MBD2: variants seen among roughly 807,000 people sequenced by gnomAD.
MBD2 encodes the protein methyl-CpG-binding domain protein 2.
Under a neutral mutation model 39.3 loss-of-function variants are expected in MBD2, and 9 were observed. That is an observed-to-expected ratio of 0.23 (90% confidence interval 0.14 to 0.40). The LOEUF (loss-of-function observed/expected upper bound fraction) is 0.40, where lower values mean the gene tolerates loss of function less well. MBD2 is among the 10% of genes least tolerant of loss of function. The probability of loss-of-function intolerance (pLI) is 1.00; values close to 1 mark genes in which losing one functional copy is unlikely to be tolerated. For missense variants in MBD2, 458 were observed against 532.6 expected (o/e 0.86, Z 1.38); for synonymous variants, 233 against 211.1 (o/e 1.10, Z -0.90).
At chr18:54,215,209 C>A (rs2086547089) in intron 1 of MBD2, among the ~76,000 whole-genome samples, 1 of 152,156 alleles carries the variant, frequency 6.6e-6, no homozygotes, top group Non-Finnish European at 1.5e-5. Context: ...GGTCTGTGTG[C>A]AAACTTACTG....
At chr18:54,221,839 T>G (rs528961247) in intron 1 of MBD2, among the ~76,000 whole-genome samples, 58 of 152,266 alleles carry the variant, frequency 3.8e-4, no homozygotes, top group African/African-American at 1.3e-3. Context: ...TGGCCACAAA[T>G]CCAAATGAGC....
At chr18:54,202,908 G>T (rs1568089825) in intron 2 of MBD2, 1 of 1,116,510 alleles carries the variant, frequency 9.0e-7, no homozygotes, top group Non-Finnish European at 1.4e-6. Context: ...ATGGAGGAAA[G>T]GATTGGTTCT....
At chr18:54,203,030 G>T (rs760641519) in intron 2 of MBD2, 1 of 1,254,230 alleles carries the variant, frequency 8.0e-7, no homozygotes, top group Non-Finnish European at 1.2e-6. Flanking sequence ...TCCAAGCAGA[G>T]CAAACAGCGT....
At chr18:54,159,926 GGC>G (rs1568077249) in intron 5 of MBD2, 23 bp from the exon 6 acceptor site, 1 of 1,608,270 alleles carries the variant, frequency 6.2e-7, no homozygotes, top group East Asian at 2.2e-5. Flanking sequence ...AGAATAAAAA[GGC>G]ACTGAGAATT....
At chr18:54,211,761 C>T (rs909313776) in intron 1 of MBD2, among the ~76,000 whole-genome samples, 6 of 152,184 alleles carry the variant, frequency 3.9e-5, no homozygotes, top group African/African-American at 1.4e-4. Flanking sequence ...ACCACTTTGA[C>T]AACAGCTCTG....
chr18:54,221,913 G>A (rs1447999425), intron 1 of MBD2, among the ~76,000 whole-genome samples: 2 of 152,116 alleles, frequency 1.3e-5, no homozygotes, highest in African/African-American at 4.8e-5. Flanking sequence ...CAAACAAAAA[G>A]CTCTGCAATA....
intron 3 of MBD2, among the ~76,000 whole-genome samples, chr18:54,188,150 A>G (rs1599090916): frequency 6.6e-6 from 1 of 152,202 alleles, no homozygotes; most frequent in Non-Finnish European, 1.5e-5. Context: ...CCTCACCCCA[A>G]TTGCTACTAA....
chr18:54,219,184 G>T (rs2086587713), intron 1 of MBD2, among the ~76,000 whole-genome samples: 1 of 152,106 alleles, frequency 6.6e-6, no homozygotes, highest in Non-Finnish European at 1.5e-5. Flanking sequence ...CATTTTCACT[G>T]TATCTCTAAT....
At chr18:54,163,306 A>G (rs1346225481) in intron 5 of MBD2, among the ~76,000 whole-genome samples, 1 of 152,090 alleles carries the variant, frequency 6.6e-6, no homozygotes, top group East Asian at 1.9e-4. Flanking sequence ...AATATAAAAC[A>G]TCTTAAAATT....
intron 1 of MBD2, among the ~76,000 whole-genome samples, chr18:54,210,899 T>C (rs2086499592): frequency 7.7e-6 from 1 of 130,438 alleles, no homozygotes; most frequent in African/African-American, 3.0e-5. Context: ...TGAGACAGAG[T>C]CTCGCTCTGT....
At chr18:54,161,009 G>A (rs1038684084) in intron 5 of MBD2, among the ~76,000 whole-genome samples, 2 of 151,904 alleles carry the variant, frequency 1.3e-5, no homozygotes, top group Non-Finnish European at 1.5e-5. Flanking sequence ...ACCAATAACC[G>A]AGGAAGACAG....
intron 3 of MBD2, among the ~76,000 whole-genome samples, chr18:54,167,821 T>C (rs2086145571): frequency 6.6e-6 from 1 of 152,018 alleles, no homozygotes; most frequent in African/African-American, 2.4e-5. Context: ...TCATCATGGA[T>C]GAAAAGTAGT....
chr18:54,189,780 G>T (rs1938456366), intron 2 of MBD2, among the ~76,000 whole-genome samples: 1 of 152,090 alleles, frequency 6.6e-6, no homozygotes, highest in Non-Finnish European at 1.5e-5. Flanking sequence ...CTCCCGAGTA[G>T]CTGGGACTAT....
At chr18:54,182,912 G>A (rs2086260519) in intron 3 of MBD2, among the ~76,000 whole-genome samples, 1 of 151,512 alleles carries the variant, frequency 6.6e-6, no homozygotes, top group South Asian at 2.1e-4. Context: ...AGCCTGGGTA[G>A]CTAAGCAAGT....
chr18:54,202,085 G>A (rs904159036), intron 2 of MBD2, among the ~76,000 whole-genome samples: 2 of 152,192 alleles, frequency 1.3e-5, no homozygotes, highest in Non-Finnish European at 2.9e-5. Context: ...TCTCACGCCT[G>A]TAATCCCAGC....
At chr18:54,172,980 C>A (rs781639449) in intron 3 of MBD2, among the ~76,000 whole-genome samples, 1 of 152,182 alleles carries the variant, frequency 6.6e-6, no homozygotes, top group East Asian at 1.9e-4. Context: ...TGGCTTGTAG[C>A]ACATTGCTGA....
chr18:54,204,359 T>C (rs2086432495), intron 2 of MBD2, among the ~76,000 whole-genome samples: 1 of 152,224 alleles, frequency 6.6e-6, no homozygotes, highest in Non-Finnish European at 1.5e-5. Flanking sequence ...AGTACAGGCT[T>C]AAGTATCTCT....
intron 2 of MBD2, among the ~76,000 whole-genome samples, chr18:54,200,677 T>C (rs978290477): frequency 3.3e-5 from 5 of 149,368 alleles, no homozygotes; most frequent in East Asian, 1.9e-4. Flanking sequence ...GGTTTGGTTT[T>C]TATTTGCATA....
At chr18:54,223,361 G>A (rs1237616253) in intron 1 of MBD2, among the ~76,000 whole-genome samples, 2 of 152,142 alleles carry the variant, frequency 1.3e-5, no homozygotes, top group Non-Finnish European at 2.9e-5. Context: ...CAGCATCTCT[G>A]GCCTCTACCC....
Sources: gnomAD v4.1 joint callset for allele counts (sites outside exome capture counted in the v4.1 genomes callset) on GRCh38, gnomAD v4.1.1 for gene constraint, MANE v1.5 for transcripts, NCBI Gene and HGNC (gene_info 2026-07-23, HGNC 2026-07-21) for gene names.